JDP2: variants seen among roughly 807,000 people sequenced by gnomAD.
JDP2 encodes the protein Jun dimerization protein 2.
In JDP2, 9 loss-of-function variants were observed where a neutral mutation model predicts 17.1. The ratio of observed to expected loss-of-function variants is 0.53; its 90% CI spans 0.32 to 0.92. The LOEUF is 0.92. Among genes scored for constraint, JDP2 ranks in the 40% least tolerant of loss-of-function variants. The pLI is 0.04. For missense variants in JDP2, 179 were observed against 220.0 expected (o/e 0.81, Z 1.18); for synonymous variants, 107 against 95.6 (o/e 1.12, Z -0.69).
chr14:75,432,242 A>G (rs144073501), intron 1 of JDP2: 3 of 1,393,104 alleles, frequency 2.2e-6, no homozygotes, highest in East Asian at 5.0e-5. Flanking sequence ...CGCGTGACCT[A>G]CGTCATTCAG....
intron 2 of JDP2, among the ~76,000 whole-genome samples, chr14:75,459,249 C>G (rs142668194): frequency 6.6e-6 from 1 of 152,200 alleles, no homozygotes; most frequent in African/African-American, 2.4e-5. Flanking sequence ...CCTGTCGTCA[C>G]GGTTACCTTG....
chr14:75,455,851 T>C (rs1257361910), intron 2 of JDP2, among the ~76,000 whole-genome samples: 1 of 152,210 alleles, frequency 6.6e-6, no homozygotes, highest in Admixed American at 6.5e-5. Flanking sequence ...TGTTTCCTGC[T>C]GGGATCCCCT....
At chr14:75,446,439 T>C (rs1359557455) in intron 2 of JDP2, among the ~76,000 whole-genome samples, 2 of 152,194 alleles carry the variant, frequency 1.3e-5, no homozygotes, top group East Asian at 3.8e-4. Flanking sequence ...AAATAAAACA[T>C]GGTCTATCCA....
intron 1 of JDP2, chr14:75,432,441 C>T (rs533651912): frequency 5.7e-6 from 6 of 1,055,126 alleles, no homozygotes; most frequent in South Asian, 4.2e-5. Context: ...GGCTCTGGCT[C>T]CCAAGGTCCC....
chr14:75,447,653 T>C (rs417416), intron 2 of JDP2, among the ~76,000 whole-genome samples: 60,466 of 151,830 alleles, frequency 0.4, 12,667 homozygotes, highest in African/African-American at 0.53. Context: ...CTATCTATTA[T>C]CTGTCTATGT....
At chr14:75,450,275 T>C (rs1033770325) in intron 2 of JDP2, among the ~76,000 whole-genome samples, 1 of 152,084 alleles carries the variant, frequency 6.6e-6, no homozygotes, top group Non-Finnish European at 1.5e-5. Flanking sequence ...AGCCTTCCAG[T>C]TGGTCCTGTC....
chr14:75,467,452 T>A (rs1055787411), intron 3 of JDP2, among the ~76,000 whole-genome samples: 1 of 152,110 alleles, frequency 6.6e-6, no homozygotes, highest in South Asian at 2.1e-4. Context: ...AAGAGCCAGT[T>A]GGGGGCTCAT....
chr14:75,452,734 G>A lies in JDP2; in HGVS notation c.202-8692G>A, dbSNP rs191335001. Among the ~76,000 whole-genome samples, 581 of 152,256 alleles carry A rather than the reference G, an allele frequency of 3.8e-3. 3 individuals are homozygous for A. Among genetic ancestry groups the A allele is most frequent in the African/African-American group, 0.013 (543 of 41,548 alleles). On this transcript the variant is annotated intron_variant, in intron 2 of 3. Transcript: ENST00000651602. Reference sequence around the variant, plus strand: ...CTAGTGTCCCCTCCCATGGCAGGAGGGGTGGCCACCGCCCCATCCAGCCCT... The same window carrying A: ...CTAGTGTCCCCTCCCATGGCAGGAGAGGTGGCCACCGCCCCATCCAGCCCT...
chr14:75,437,890 C>T lies in JDP2; in HGVS notation c.-23-8C>T, dbSNP rs1020096010. On this transcript the variant is annotated splice_region_variant and splice_polypyrimidine_tract_variant and intron_variant, in intron 1 of 3. Coordinates refer to ENST00000651602, the MANE Select transcript of JDP2 (RefSeq NM_001135048.2). ...CTGACTGTCCTGCTCTTTTCCTGCC[C>T]ACTCCAGGCTGGCCTGCCACTCCTC... 2.5e-6 allele frequency: 4 copies of T among 1,570,844 alleles called. No individual in the cohort carries two copies. The highest frequency in any genetic ancestry group is 4.4e-4 in the Middle Eastern group (2 of 4,588).
intron 2 of JDP2, among the ~76,000 whole-genome samples, chr14:75,446,309 C>T (rs777994764): frequency 6.6e-6 from 1 of 151,462 alleles, no homozygotes; most frequent in Non-Finnish European, 1.5e-5. Flanking sequence ...CATATATTTC[C>T]TTTCCCAACA....
At chr14:75,460,431 C>T (rs1397220075) in intron 2 of JDP2, among the ~76,000 whole-genome samples, 3 of 152,106 alleles carry the variant, frequency 2.0e-5, no homozygotes, top group Non-Finnish European at 2.9e-5. Context: ...TATGGAGGAG[C>T]GGGGAAGATC....
At chr14:75,461,655 C>A in intron 3 of JDP2, 125 bp downstream of exon 3, 1 of 728,332 alleles carries the variant, frequency 1.4e-6, no homozygotes, top group Non-Finnish European at 2.3e-6. Context: ...GCCAAAGCAG[C>A]CTTGGCCCCT....
chr14:75,432,122 G>A, intron 1 of JDP2: 1 of 597,522 alleles, frequency 1.7e-6, no homozygotes, highest in Admixed American at 2.9e-5. Flanking sequence ...CTGCAGAGCT[G>A]GGGACAGCCA....
intron 2 of JDP2, among the ~76,000 whole-genome samples, chr14:75,440,244 G>A (rs887037437): frequency 6.6e-6 from 1 of 152,156 alleles, no homozygotes; most frequent in African/African-American, 2.4e-5. Flanking sequence ...CAGTGTTGTG[G>A]GGGCGAAGAG....
intron 2 of JDP2, among the ~76,000 whole-genome samples, chr14:75,450,625 T>C (rs1481647331): frequency 6.6e-6 from 1 of 152,152 alleles, no homozygotes; most frequent in East Asian, 1.9e-4. Flanking sequence ...TGTTCACAGG[T>C]GAATGTGCTT....
At chr14:75,435,802 G>A (rs1004681696) in intron 1 of JDP2, among the ~76,000 whole-genome samples, 3 of 152,218 alleles carry the variant, frequency 2.0e-5, no homozygotes, top group African/African-American at 7.2e-5. Context: ...GAAAGGATGT[G>A]AGTGGGAAGG....
intron 2 of JDP2, chr14:75,445,560 T>C: frequency 2.0e-6 from 2 of 985,444 alleles, no homozygotes; most frequent in Non-Finnish European, 2.4e-6. Flanking sequence ...TTGGAATAGT[T>C]TGGCTCTGGA....
At position 75,428,897 on chromosome 14, in the gene JDP2, C is replaced by T. The variant is rs565276366; in HGVS notation, c.-24+645C>T. 2.5e-4 allele frequency among the ~76,000 whole-genome samples: 38 copies of T among 152,248 alleles called. No homozygotes were observed. Among genetic ancestry groups the T allele is most frequent in the African/African-American group, 8.2e-4 (34 of 41,544 alleles). Reference sequence around the variant, plus strand: ...GGGTCCCCTTTGGGCTCTCCTGTCTCCCACGCCAGGTTATATAAGGAGGCA... The same window carrying T: ...GGGTCCCCTTTGGGCTCTCCTGTCTTCCACGCCAGGTTATATAAGGAGGCA... On this transcript the variant is annotated intron_variant, in intron 1 of 3. Coordinates refer to ENST00000651602, the MANE Select transcript of JDP2 (RefSeq NM_001135048.2). This position sits in a 1 kb window ranked among gnomAD's most constrained non-coding sequence, Gnocchi z 5.6.
In JDP2 at chr14:75,462,238, A is replaced by G. The variant is rs547032215; in HGVS notation, c.306+708A>G. Among the ~76,000 whole-genome samples the G allele has an allele frequency of 2.0e-5, 3 of 152,340 alleles. No individual in the cohort carries two copies. The South Asian group carries it at 6.2e-4, about 32-fold the overall frequency. On this transcript the variant is annotated intron_variant, in intron 3 of 3. Transcript: ENST00000651602. ...CTGCATCTCAGAAATGGTGGCTGGC[A>G]GTGAGGGAACATGACCAGAAAGCTA...
Sources: allele counts gnomAD v4.1 joint callset (sites outside exome capture counted in the v4.1 genomes callset), GRCh38; gene constraint gnomAD v4.1.1; non-coding constraint Gnocchi (gnomAD v3.1); transcripts MANE v1.5; gene names NCBI Gene and HGNC (gene_info 2026-07-23, HGNC 2026-07-21).